UBAP1: variants seen among roughly 807,000 people sequenced by gnomAD.
The protein encoded by UBAP1 is ubiquitin-associated protein 1.
UBAP1 carries 5 observed loss-of-function variants against 39.0 expected under a neutral mutation model. The observed-to-expected ratio is 0.13, with a 90% confidence interval of 0.07 to 0.27. UBAP1 has a LOEUF of 0.27. UBAP1 is among the 10% of genes least tolerant of loss of function. The pLI, the probability that UBAP1 is intolerant of heterozygous loss-of-function variation, is 1.00. For missense variants in UBAP1, 490 were observed against 608.1 expected (o/e 0.81, Z 2.04); for synonymous variants, 211 against 225.1 (o/e 0.94, Z 0.56).
chr9:34,239,071 G>A (rs1563918697), intron 3 of UBAP1, among the ~76,000 whole-genome samples: 1 of 152,226 alleles, frequency 6.6e-6, no homozygotes, highest in Non-Finnish European at 1.5e-5. Flanking sequence ...TTGAGATGGA[G>A]TCTTGCTCTT....
At chr9:34,228,537 T>C (rs1056016228) in intron 2 of UBAP1, among the ~76,000 whole-genome samples, 1 of 151,692 alleles carries the variant, frequency 6.6e-6, no homozygotes, top group Admixed American at 6.6e-5. Context: ...CGGTGGTCTC[T>C]ATCCATTATT....
chr9:34,214,107 A>G (rs916102914), intron 1 of UBAP1, among the ~76,000 whole-genome samples: 1 of 152,168 alleles, frequency 6.6e-6, no homozygotes, highest in Non-Finnish European at 1.5e-5. Context: ...AAAGCAATCT[A>G]CAAATTCAAT....
intron 1 of UBAP1, among the ~76,000 whole-genome samples, chr9:34,193,335 T>C (rs1041533921): frequency 1.3e-5 from 2 of 151,834 alleles, no homozygotes; most frequent in Admixed American, 6.6e-5. Flanking sequence ...AATAAAAATA[T>C]TGTGTAGGGG....
At chr9:34,250,497 T>C (rs1205091024) in intron 5 of UBAP1, among the ~76,000 whole-genome samples, 161 bp from the exon 6 acceptor site, 1 of 152,192 alleles carries the variant, frequency 6.6e-6, no homozygotes, top group Non-Finnish European at 1.5e-5. Flanking sequence ...ACTGGGGTCC[T>C]GTTGTGTTGG....
At chr9:34,212,194 G>A (rs1832055221) in intron 1 of UBAP1, among the ~76,000 whole-genome samples, 1 of 151,746 alleles carries the variant, frequency 6.6e-6, no homozygotes, top group South Asian at 2.1e-4. Context: ...ATTTCTTTCA[G>A]TCTTGTTTTG....
At chr9:34,193,666 T>C (rs778910552) in intron 1 of UBAP1, among the ~76,000 whole-genome samples, 1 of 152,236 alleles carries the variant, frequency 6.6e-6, no homozygotes, top group Non-Finnish European at 1.5e-5. Context: ...TATTGGTTTA[T>C]TCTGAAGAAT....
At chr9:34,233,847 G>A (rs1035083479) in intron 2 of UBAP1, among the ~76,000 whole-genome samples, 2 of 149,458 alleles carry the variant, frequency 1.3e-5, no homozygotes, top group African/African-American at 4.9e-5. Flanking sequence ...CCAGTTAGAA[G>A]GAACAGTTGG....
chr9:34,181,980 T>C (rs939456848), intron 1 of UBAP1, among the ~76,000 whole-genome samples: 2 of 149,246 alleles, frequency 1.3e-5, no homozygotes, highest in African/African-American at 5.0e-5. Context: ...TTTTTTTTTT[T>C]GTAGAGAAGG....
chr9:34,202,002 G>C (rs73496344), intron 1 of UBAP1, among the ~76,000 whole-genome samples: 5,012 of 152,192 alleles, frequency 0.033, 199 homozygotes, highest in East Asian at 0.15. Flanking sequence ...GGCAAGGTAG[G>C]GGGGAAGGTG....
intron 3 of UBAP1, among the ~76,000 whole-genome samples, chr9:34,235,862 C>T (rs918047149): frequency 7.1e-6 from 1 of 141,358 alleles, no homozygotes; most frequent in African/African-American, 2.6e-5. Flanking sequence ...GACGGAGTTT[C>T]ATTCTTGTTG....
At chr9:34,208,700 C>A (rs888319013) in intron 1 of UBAP1, among the ~76,000 whole-genome samples, 3 of 150,584 alleles carry the variant, frequency 2.0e-5, no homozygotes, top group African/African-American at 7.3e-5. Flanking sequence ...ATGGCGTGAA[C>A]CTGGGAGGCG....
intron 2 of UBAP1, among the ~76,000 whole-genome samples, chr9:34,226,214 A>G (rs1833093493): frequency 6.8e-6 from 1 of 147,358 alleles, no homozygotes; most frequent in South Asian, 2.1e-4. Context: ...GGCAACATAG[A>G]AAAACCCCGT....
intron 1 of UBAP1, among the ~76,000 whole-genome samples, chr9:34,181,464 C>T (rs1396794670): frequency 6.9e-6 from 1 of 144,316 alleles, no homozygotes; most frequent in East Asian, 2.1e-4. Context: ...ACGGAGTCTC[C>T]CTCTGTCGCC....
chr9:34,181,235 C>G (rs1209205747), intron 1 of UBAP1, among the ~76,000 whole-genome samples: 1 of 149,792 alleles, frequency 6.7e-6, no homozygotes, highest in Non-Finnish European at 1.5e-5. Flanking sequence ...GCCTCAGCCT[C>G]CTCAGTAGCT....
Position 34,247,558 on chromosome 9 carries a change from G to A in UBAP1, c.1084-2221G>A, listed in dbSNP as rs1834242692. Among the ~76,000 whole-genome samples, 3 of 151,882 alleles carry A rather than the reference G, an allele frequency of 2.0e-5. No individual in the cohort carries two copies. In the South Asian group the frequency reaches 6.3e-4, roughly 32 times the overall value. On this transcript the variant is annotated intron_variant, in intron 4 of 6. Coordinates refer to ENST00000297661, the MANE Select transcript of UBAP1 (RefSeq NM_016525.5). ...TCCTACCTCAGCCTCCCAAGTAGTT[G>A]GGATTACAGGAATGCACCACCACAC...
chr9:34,207,791 C>T (rs985326825), intron 1 of UBAP1, among the ~76,000 whole-genome samples: 3 of 151,884 alleles, frequency 2.0e-5, no homozygotes, highest in Non-Finnish European at 4.4e-5. Context: ...AAGGCTGTTT[C>T]AGAGTATTAA....
chr9:34,235,765 A>G (rs986599742), intron 3 of UBAP1, among the ~76,000 whole-genome samples: 3 of 151,910 alleles, frequency 2.0e-5, no homozygotes, highest in African/African-American at 7.3e-5. Flanking sequence ...ACCCAGAGCA[A>G]CTTCCAGTCC....
At chr9:34,222,338 T>C (rs1832804605) in intron 2 of UBAP1, among the ~76,000 whole-genome samples, 1 of 152,172 alleles carries the variant, frequency 6.6e-6, no homozygotes, top group Non-Finnish European at 1.5e-5. Context: ...TATACTTACA[T>C]AGATAACCTG....
chr9:34,226,273 A>G (rs1833100979), intron 2 of UBAP1, among the ~76,000 whole-genome samples: 1 of 137,468 alleles, frequency 7.3e-6, no homozygotes, highest in Non-Finnish European at 1.5e-5. Context: ...TCTGTCGCCC[A>G]TGCTGGAGTG....
Sources: allele counts gnomAD v4.1 joint callset (sites outside exome capture counted in the v4.1 genomes callset), GRCh38; gene constraint gnomAD v4.1.1; transcripts MANE v1.5; gene names NCBI Gene and HGNC (gene_info 2026-07-23, HGNC 2026-07-21).